MED25: variants seen among roughly 807,000 people sequenced by gnomAD.
MED25 encodes the protein mediator complex subunit 25.
In MED25, 62 loss-of-function variants were observed where a neutral mutation model predicts 89.4. The observed-to-expected ratio is 0.69, with a 90% CI of 0.57 to 0.86. The LOEUF (loss-of-function observed/expected upper bound fraction) is 0.86, where lower values mean the gene tolerates loss of function less well. Ranked by LOEUF, MED25 falls within the 40% of genes least tolerant of loss-of-function variation. The pLI, the probability that MED25 is intolerant of heterozygous loss-of-function variation, is 0.00. For missense variants in MED25, 905 were observed against 1,005.2 expected (o/e 0.90, Z 1.35); for synonymous variants, 449 against 427.9 (o/e 1.05, Z -0.61).
chr19:49,830,905 T>C lies in MED25; in HGVS notation c.1101+18T>C. ...CGTCCATGGTAGGTGCCTGCACGCC[T>C]CCTGCCCCTGCTCCTTCCTCCTGCT... On this transcript the variant is annotated intron_variant, in intron 9 of 17. Coordinates refer to ENST00000312865, the MANE Select transcript of MED25 (RefSeq NM_030973.4). This position sits in a 1 kb window ranked among gnomAD's most constrained non-coding sequence, Gnocchi z 4.6. 1.2e-6 allele frequency: 2 copies of C among 1,604,130 alleles called. No individual in the cohort carries two copies. The highest frequency in any genetic ancestry group is 1.7e-5 in the Admixed American group (1 of 59,992).
downstream of MED25, chr19:49,837,030 C>G: frequency 2.8e-6 from 3 of 1,084,162 alleles, no homozygotes; most frequent in Non-Finnish European, 4.2e-6. Context: ...GGAGGAAACC[C>G]CAGGGGGCAT....
rs745407488 is a variant in MED25 at position 49,836,421 on chromosome 19, G to C, written c.2146+15G>C. 5.7e-6 allele frequency: 9 copies of C among 1,575,040 alleles called. No individual in the cohort carries two copies. The South Asian group carries it at 6.9e-5, about 12-fold the overall frequency. On this transcript the variant is annotated intron_variant, in intron 17 of 17. Transcript: ENST00000312865. The surrounding 1 kb of genome is among the most constrained non-coding windows in gnomAD (Gnocchi z 5.1). ...TCCACTGCCAGGTAAGGGGACCCGG[G>C]GGAGGGCAGAGGTCTGGACTGAGTG... is the stretch of plus-strand genomic sequence containing the variant.
downstream of MED25, chr19:49,839,773 G>C (rs1403537070): frequency 6.6e-6 from 1 of 152,202 alleles, no homozygotes; most frequent in Non-Finnish European, 1.5e-5. Flanking sequence ...TTTCAGAAAT[G>C]AAAGAGGTGG....
At chr19:49,821,614 A>C (rs971643834) in intron 3 of MED25, among the ~76,000 whole-genome samples, 19 of 151,478 alleles carry the variant, frequency 1.3e-4, no homozygotes, top group African/African-American at 4.6e-4. Context: ...TAAAAATACA[A>C]GCAATCATCC....
In MED25 at chr19:49,831,396, C is replaced by G. The variant is rs1384927136; in HGVS notation, c.1165C>G (p.Leu389Val). Residue 389 changes from leucine (L) to valine (V), a missense_variant, in exon 10 of 18, where the codon CTC becomes GTC. Leu to Val is a conservative substitution (Grantham distance 32). Around this residue, in one of 3 missense-constraint regions of MED25, gnomAD observed 501 missense variants for 526.9 expected, o/e 0.95. Coordinates refer to ENST00000312865, the MANE Select transcript of MED25 (RefSeq NM_030973.4). This position sits in a 1 kb window ranked among gnomAD's most constrained non-coding sequence, Gnocchi z 5.0. ...PSPAQLGAPA[L>V]GGQQSVSNKL... is the part of the protein sequence containing the mutation. ...CCCAGCCCAGCTGGGAGCCCCAGCCCTCGGTGGGCAGCAGTCAGTCTCCAA... is the reference window on the plus strand; with the variant it reads ...CCCAGCCCAGCTGGGAGCCCCAGCCGTCGGTGGGCAGCAGTCAGTCTCCAA... The G allele has an allele frequency of 1.2e-6, 2 of 1,611,230 alleles. No homozygotes were observed. The highest frequency in any genetic ancestry group is 1.7e-6 in the Non-Finnish European group (2 of 1,178,942).
rs753741819 is a variant in MED25, at chr19:49,830,093, G to T, written c.694G>T (p.Gly232Cys). The change falls in exon 7 of 18, where the codon GGT becomes TGT. Residue 232 changes from glycine to cysteine, a missense_variant. By Grantham distance (159) the Gly-to-Cys change is radical (BLOSUM62 -3). Coordinates refer to ENST00000312865, the MANE Select transcript of MED25 (RefSeq NM_030973.4). This position sits in a 1 kb window ranked among gnomAD's most constrained non-coding sequence, Gnocchi z 4.6. ...LVRGLVLPVG[G>C]GSAPGPLQSK... is the part of the protein sequence containing the mutation. The stretch of plus-strand genomic sequence containing the variant: ...GCCATCCCTCCTGCTCTCAGTTGGG[G>T]GTGGCTCAGCCCCAGGCCCCCTCCA... The T allele has an allele frequency of 6.2e-7, 1 of 1,606,868 alleles. No homozygotes were observed. Among genetic ancestry groups the T allele is most frequent in the Non-Finnish European group, 8.5e-7 (1 of 1,177,554 alleles).
In MED25 at chr19:49,819,380, C is replaced by T. The variant is rs116536938; in HGVS notation, c.305+84C>T. Reference sequence around the variant, plus strand: ...GATGGCTTGGGGTGGTTGGTGTCCCCGTGAGAGGCTGTGAATAAGTGATGG... The same window carrying T: ...GATGGCTTGGGGTGGTTGGTGTCCCTGTGAGAGGCTGTGAATAAGTGATGG... On this transcript the variant is annotated intron_variant, in intron 3 of 17. Transcript: ENST00000312865. The T allele has an allele frequency of 0.1, 46,385 of 462,428 alleles. 1,351 individuals are homozygous for T. Among genetic ancestry groups the T allele is most frequent in the Non-Finnish European group, 0.11 (40,024 of 360,738 alleles). 28.6% of individuals were successfully genotyped at this position (462,428 alleles called of 1,614,324 possible).
At chr19:49,822,194 C>A (rs1214083632) in intron 3 of MED25, among the ~76,000 whole-genome samples, 1 of 137,126 alleles carries the variant, frequency 7.3e-6, no homozygotes, top group Non-Finnish European at 1.5e-5. Flanking sequence ...ACCCAGGAGG[C>A]GGAGTTTGCA....
chr19:49,832,455 T>G, intron 13 of MED25, 40 bp downstream of exon 13: 1 of 1,197,140 alleles, frequency 8.4e-7, no homozygotes, highest in Non-Finnish European at 1.2e-6. Context: ...TGTTGACTCT[T>G]GTCCTGCTTT....
Position 49,829,765 on chromosome 19 carries a change from T to C in MED25, c.526-21T>C. 6.4e-7 allele frequency: 1 copy of C among 1,571,568 alleles called. No individual in the cohort carries two copies. The highest frequency in any genetic ancestry group is 8.6e-7 in the Non-Finnish European group (1 of 1,158,722). On this transcript the variant is annotated intron_variant, in intron 5 of 17. Coordinates refer to ENST00000312865, the MANE Select transcript of MED25 (RefSeq NM_030973.4). The surrounding 1 kb of genome is among the most constrained non-coding windows in gnomAD (Gnocchi z 4.6). ...CCTTATGGAGGGGGCCCGTCATGAC[T>C]GCTCGGCCCCTCTCCTACAGCGGGG...
At chr19:49,838,351 A>T, downstream of MED25, 1 of 351,416 alleles carries the variant, frequency 2.8e-6, no homozygotes, top group South Asian at 2.2e-5. Flanking sequence ...GACAAGTCAG[A>T]AGAATTGGCA....
rs2074084412 is a variant in MED25, at chr19:49,834,933, A to C, written c.1483-53A>C. 1 of 1,591,600 alleles carries C rather than the reference A, an allele frequency of 6.3e-7. No homozygotes were observed. Among genetic ancestry groups the C allele is most frequent in the African/African-American group, 1.3e-5 (1 of 74,448 alleles). ...AGCCTTCTGGAATGGGGAGGGGGTC[A>C]GGGCTGCCTCTTTCAGGGCCTGAAT... On this transcript the variant is annotated intron_variant, in intron 13 of 17. Transcript: ENST00000312865. This position sits in a 1 kb window ranked among gnomAD's most constrained non-coding sequence, Gnocchi z 4.1.
downstream of MED25, chr19:49,838,812 C>G (rs2074116570): frequency 2.2e-6 from 1 of 450,034 alleles, no homozygotes; most frequent in Non-Finnish European, 4.5e-6. Flanking sequence ...AAAAGGGACT[C>G]AAATGTCAAT....
intron 3 of MED25, among the ~76,000 whole-genome samples, chr19:49,827,807 C>T (rs893176513): frequency 6.6e-6 from 1 of 152,068 alleles, no homozygotes; most frequent in Non-Finnish European, 1.5e-5. Context: ...GAGCAGACAG[C>T]CCAGAGAGGG....
Position 49,836,887 on chromosome 19 carries a change from CCAGCCGGGCCTG to C in MED25, c.2193_2204del (p.Gly732_Pro735del). 5.0e-6 allele frequency: 8 copies of C among 1,612,740 alleles called. No individual in the cohort carries two copies. The highest frequency in any genetic ancestry group is 6.8e-6 in the Non-Finnish European group (8 of 1,179,806). ...GCGGGGGTCCCCGGGGCCCGGTCCC[CCAGCCGGGCCTG>C]CAGCCCAGCGTCATGGAGGACGACA... On this transcript the variant is annotated inframe_deletion, in exon 18 of 18. Transcript: ENST00000312865. This position sits in a 1 kb window ranked among gnomAD's most constrained non-coding sequence, Gnocchi z 5.1.
rs1184942851 is a variant in MED25 at position 49,831,644 on chromosome 19, AG to A, written c.1230+184del. Among the ~76,000 whole-genome samples, 1 of 152,160 alleles carries A rather than the reference AG, an allele frequency of 6.6e-6. No individual in the cohort carries two copies. The highest frequency in any genetic ancestry group is 1.5e-5 in the Non-Finnish European group (1 of 68,002). The stretch of plus-strand genomic sequence containing the variant: ...CATGGAGTGGTGGGACTTGCGGTAC[AG>A]AGGAGAGTCCCCATGCAAAGAACCC... On this transcript the variant is annotated intron_variant, in intron 10 of 17. Coordinates refer to ENST00000312865, the MANE Select transcript of MED25 (RefSeq NM_030973.4). This position sits in a 1 kb window ranked among gnomAD's most constrained non-coding sequence, Gnocchi z 5.0.
rs1452947893 is a variant in MED25 at position 49,829,774 on chromosome 19, C to G, written c.526-12C>G. The G allele has an allele frequency of 6.3e-7, 1 of 1,579,436 alleles. No individual in the cohort carries two copies. The highest frequency in any genetic ancestry group is 2.3e-5 in the East Asian group (1 of 42,692). On this transcript the variant is annotated splice_polypyrimidine_tract_variant and intron_variant, in intron 5 of 17. Coordinates refer to ENST00000312865, the MANE Select transcript of MED25 (RefSeq NM_030973.4). The surrounding 1 kb of genome is among the most constrained non-coding windows in gnomAD (Gnocchi z 4.6). ...GGGGGCCCGTCATGACTGCTCGGCC[C>G]CTCTCCTACAGCGGGGGATCCACTT...
Position 49,835,542 on chromosome 19 carries a change from ACAG to A in MED25, c.1687_1689del (p.Gln563del). The A allele has an allele frequency of 1.3e-6, 2 of 1,559,750 alleles. No homozygotes were observed. The highest frequency in any genetic ancestry group is 1.4e-5 in the African/African-American group (1 of 73,542). On this transcript the variant is annotated inframe_deletion, in exon 15 of 18. Transcript: ENST00000312865. This position sits in a 1 kb window ranked among gnomAD's most constrained non-coding sequence, Gnocchi z 6.2. ...CCTCTCTCCCCGTGCAGATGGGGGGACAGCAGGCACCCCCAGGGCTGGGGCCCA... is the reference window on the plus strand; with the variant it reads ...CCTCTCTCCCCGTGCAGATGGGGGGACAGGCACCCCCAGGGCTGGGGCCCA...
At chr19:49,828,639 C>A in intron 4 of MED25, 92 bp downstream of exon 4, 1 of 1,102,670 alleles carries the variant, frequency 9.1e-7, no homozygotes, top group Non-Finnish European at 1.4e-6. Context: ...CCAGCCTCAC[C>A]CTGTAGGGCA....
Sources: allele counts gnomAD v4.1 joint callset (sites outside exome capture counted in the v4.1 genomes callset), GRCh38; gene constraint gnomAD v4.1.1; regional missense constraint gnomAD v4.1.1; non-coding constraint Gnocchi (gnomAD v3.1); transcripts MANE v1.5; gene names NCBI Gene and HGNC (gene_info 2026-07-23, HGNC 2026-07-21).